The following DYM variants were observed in gnomAD, a reference collection of about 807,000 sequenced individuals.
DYM encodes the protein dyggve-Melchior-Clausen syndrome protein.
Under a neutral mutation model 93.1 loss-of-function variants are expected in DYM, and 78 were observed. The ratio of observed to expected loss-of-function variants is 0.84; its 90% confidence interval spans 0.70 to 1.01. The LOEUF is 1.01. DYM is among the 50% of genes least tolerant of loss of function. The pLI is 0.00. For synonymous variants in DYM, 321 were observed against 319.7 expected (o/e 1.00, Z -0.04); for missense variants, 789 against 845.0 (o/e 0.93, Z 0.82).
intron 17 of DYM, among the ~76,000 whole-genome samples, chr18:49,052,262 G>C (rs1040958086): frequency 2.0e-5 from 3 of 152,162 alleles, no homozygotes; most frequent in African/African-American, 7.2e-5. Flanking sequence ...GGGTAGGCCC[G>C]AGCTGAATTT....
intron 6 of DYM, among the ~76,000 whole-genome samples, chr18:49,360,358 C>T (rs1454579251): frequency 1.3e-5 from 2 of 151,530 alleles, no homozygotes; most frequent in South Asian, 4.2e-4. Context: ...AGCGTGGTGG[C>T]TCATGCCTGT....
chr18:49,115,055 G>C (rs2081798866), intron 16 of DYM, among the ~76,000 whole-genome samples: 1 of 152,324 alleles, frequency 6.6e-6, no homozygotes, highest in South Asian at 2.1e-4. Flanking sequence ...ATGTGTGACA[G>C]TAAACAAGTT....
At chr18:49,338,172 C>T (rs1281791090) in intron 6 of DYM, among the ~76,000 whole-genome samples, 3 of 152,044 alleles carry the variant, frequency 2.0e-5, no homozygotes, top group Non-Finnish European at 2.9e-5. Context: ...CAGCACTAAC[C>T]AACAATAGTA....
chr18:49,312,868 G>A (rs1269364454), intron 8 of DYM, among the ~76,000 whole-genome samples: 1 of 152,140 alleles, frequency 6.6e-6, no homozygotes, highest in East Asian at 1.9e-4. Context: ...TTCTGAGACA[G>A]CAAAGGTAGA....
chr18:49,196,113 A>G (rs1723348701), intron 14 of DYM, among the ~76,000 whole-genome samples: 1 of 151,894 alleles, frequency 6.6e-6, no homozygotes, highest in South Asian at 2.1e-4. Flanking sequence ...TTTAGTAGAG[A>G]TGGGGTTTCG....
chr18:49,041,101 T>G lies in DYM; in HGVS notation c.*2954A>C, dbSNP rs2070897391. ...TTCTTTCCTTTCTCTGTCTTTGTCC[T>G]TGAGCTGTGTTGTCTGCACTGCTGA... On this transcript the variant is annotated 3_prime_UTR_variant, in exon 18 of 18. Coordinates refer to ENST00000675505, the MANE Select transcript of DYM (RefSeq NM_001353214.3). 6.6e-6 allele frequency among the ~76,000 whole-genome samples: 1 copy of G among 152,200 alleles called. No homozygotes were observed. Among genetic ancestry groups the G allele is most frequent in the South Asian group, 2.1e-4 (1 of 4,832 alleles).
chr18:49,036,477 A>G lies in DYM; in HGVS notation c.*7578T>C, dbSNP rs2070705866. ...GTGTACAATTTGATTAGACATATGT[A>G]TACACCTATCACTGCAATAAAGATC... On this transcript the variant is annotated 3_prime_UTR_variant, in exon 18 of 18. Coordinates refer to ENST00000675505, the MANE Select transcript of DYM (RefSeq NM_001353214.3). Among the ~76,000 whole-genome samples the G allele has an allele frequency of 6.6e-6, 1 of 152,192 alleles. No individual in the cohort carries two copies. The highest frequency in any genetic ancestry group is 1.5e-5 in the Non-Finnish European group (1 of 68,044).
intron 13 of DYM, among the ~76,000 whole-genome samples, chr18:49,240,477 A>G (rs569024740): frequency 2.0e-5 from 3 of 152,218 alleles, no homozygotes; most frequent in Non-Finnish European, 4.4e-5. Context: ...TGGTTCACTG[A>G]ATTATGCAGA....
intron 1 of DYM, among the ~76,000 whole-genome samples, chr18:49,438,427 G>T (rs1277283225): frequency 6.6e-6 from 1 of 152,074 alleles, no homozygotes; most frequent in Non-Finnish European, 1.5e-5. Context: ...ATAACAGGCG[G>T]CCAGAAGCTG....
chr18:49,199,570 T>TAA (rs2091832792), intron 14 of DYM, among the ~76,000 whole-genome samples: 1 of 152,148 alleles, frequency 6.6e-6, no homozygotes, highest in Non-Finnish European at 1.5e-5. Flanking sequence ...ACCATAATGG[T>TAA]TTAAGTGGGA....
chr18:49,049,517 A>C (rs1211751636), intron 17 of DYM, among the ~76,000 whole-genome samples: 1 of 152,154 alleles, frequency 6.6e-6, no homozygotes, highest in East Asian at 1.9e-4. Context: ...TGAGGCTTGG[A>C]ATGTAACCAT....
intron 6 of DYM, among the ~76,000 whole-genome samples, chr18:49,362,593 C>T (rs748212372): frequency 1.3e-5 from 2 of 152,138 alleles, no homozygotes; most frequent in Non-Finnish European, 2.9e-5. Context: ...AAAAGACTAT[C>T]CACATTCCAG....
Position 49,322,041 on chromosome 18 carries a change from T to C in DYM, c.763+9823A>G, listed in dbSNP as rs142910901. ...AATACATTATAATTACTGCATACCA[T>C]ACCCATCACAATGAATTCAACAGCT... On this transcript the variant is annotated intron_variant, in intron 8 of 17. Coordinates refer to ENST00000675505, the MANE Select transcript of DYM (RefSeq NM_001353214.3). Among the ~76,000 whole-genome samples the C allele has an allele frequency of 2.2e-4, 34 of 152,236 alleles. 1 individual carries two copies. In the East Asian group the frequency reaches 3.3e-3, roughly 15 times the overall value.
At chr18:49,097,874 G>GCTCT (rs61301668) in intron 16 of DYM, among the ~76,000 whole-genome samples, 32,404 of 140,930 alleles carry the variant, frequency 0.23, 4,521 homozygotes, top group Middle Eastern at 0.38. Context: ...CTTAATATTA[G>GCTCT]CTCTCTCTCT....
Position 49,286,608 on chromosome 18 carries a change from A to G in DYM, c.772T>C (p.Trp258Arg). 6.2e-7 allele frequency: 1 copy of G among 1,613,918 alleles called. No individual in the cohort carries two copies. The highest frequency in any genetic ancestry group is 8.5e-7 in the Non-Finnish European group (1 of 1,179,948). Reference sequence around the variant, plus strand: ...ACACCACCTAGTGTGAAGACAGTCCAGAGTCCTGCTGGGGAGGAAAACACC... The same window carrying G: ...ACACCACCTAGTGTGAAGACAGTCCGGAGTCCTGCTGGGGAGGAAAACACC... Reference protein sequence around the residue: ...GLASGVATGLWTVFTLGGVGS... With the variant: ...GLASGVATGLRTVFTLGGVGS... Residue 258 changes from tryptophan (W) to arginine (R), a missense_variant, in exon 9 of 18, where the codon TGG becomes CGG. Physicochemically the swap from Trp to Arg is moderately radical, Grantham distance 101 (BLOSUM62 -3). This residue lies in a region of DYM where 450 missense variants were observed against 436.2 expected (regional missense o/e 1.03). Transcript: ENST00000675505.
intron 13 of DYM, among the ~76,000 whole-genome samples, chr18:49,223,832 A>G (rs1465281721): frequency 6.6e-6 from 1 of 152,158 alleles, no homozygotes; most frequent in Non-Finnish European, 1.5e-5. Flanking sequence ...CATGTCTCCT[A>G]TGCAAAAGTA....
Position 49,343,669 on chromosome 18 carries a change from C to T in DYM, c.495-9816G>A, listed in dbSNP as rs185740142. On this transcript the variant is annotated intron_variant, in intron 6 of 17. Coordinates refer to ENST00000675505, the MANE Select transcript of DYM (RefSeq NM_001353214.3). ...CTCACATATTTTTGAATAGTCTCTTCAACTATGCTCACAGGCACAGTGAGA... is the reference window on the plus strand; with the variant it reads ...CTCACATATTTTTGAATAGTCTCTTTAACTATGCTCACAGGCACAGTGAGA... Among the ~76,000 whole-genome samples, 3 of 152,296 alleles carry T rather than the reference C, an allele frequency of 2.0e-5. No homozygotes were observed. In the East Asian group the frequency reaches 5.8e-4, roughly 29 times the overall value.
chr18:49,251,344 T>C (rs1424112670), intron 13 of DYM, among the ~76,000 whole-genome samples: 2 of 152,016 alleles, frequency 1.3e-5, no homozygotes, highest in East Asian at 1.9e-4. Context: ...GAGAAGAGCA[T>C]ATACATGCAA....
At chr18:49,108,201 G>A (rs889010533) in intron 16 of DYM, among the ~76,000 whole-genome samples, 30 of 152,318 alleles carry the variant, frequency 2.0e-4, no homozygotes, top group African/African-American at 4.1e-4. Context: ...AGGACCCTCC[G>A]AGCCAGGCAC....
Sources: allele counts gnomAD v4.1 joint callset (sites outside exome capture counted in the v4.1 genomes callset), GRCh38; gene constraint gnomAD v4.1.1; regional missense constraint gnomAD v4.1.1; transcripts MANE v1.5; gene names NCBI Gene and HGNC (gene_info 2026-07-23, HGNC 2026-07-21).